SUCO: variants seen among roughly 807,000 people sequenced by gnomAD.
The protein encoded by SUCO is SUN domain containing ossification factor, also known as SUN domain-containing ossification factor.
In SUCO, 57 loss-of-function variants were observed where a neutral mutation model predicts 148.1. The observed-to-expected ratio is 0.38, with a 90% confidence interval of 0.31 to 0.48. The LOEUF (loss-of-function observed/expected upper bound fraction) is 0.48, where lower values mean the gene tolerates loss of function less well. Among genes scored for constraint, SUCO ranks in the 20% least tolerant of loss-of-function variants. SUCO has a pLI of 0.96. For synonymous variants in SUCO, 470 were observed against 502.7 expected (o/e 0.93, Z 0.87); for missense variants, 1,331 against 1,468.2 (o/e 0.91, Z 1.53).
Position 172,553,326 on chromosome 1 carries a change from C to A in SUCO, c.244C>A (p.Pro82Thr). The change falls in exon 3 of 24, where the codon CCA becomes ACA. Residue 82 changes from proline (P) to threonine (T), a missense_variant. Pro to Thr is a conservative substitution (Grantham distance 38). This residue lies in a region of SUCO where 992 missense variants were observed against 1,093.5 expected (regional missense o/e 0.91). Coordinates refer to ENST00000263688, the MANE Select transcript of SUCO (RefSeq NM_014283.5). ...ATCAGGTTCAAATTTACCTATTTCT[C>A]CAAAAGAACATAAATTAAAAGATGA... is the stretch of plus-strand genomic sequence containing the variant. ...GKSGSNLPIS[P>T]KEHKLKDDSI... is the part of the protein sequence containing the mutation. The A allele has an allele frequency of 1.2e-6, 2 of 1,603,814 alleles. No individual in the cohort carries two copies. Among genetic ancestry groups the A allele is most frequent in the Non-Finnish European group, 8.5e-7 (1 of 1,173,246 alleles).
Position 172,533,251 on chromosome 1 carries a change from T to C in SUCO, c.-185T>C. ...TGTGAAGCGCCCCTGTCCGCGCCTC[T>C]GTGGGGCCCTCAGAGAGGGCTGCCA... On this transcript the variant is annotated 5_prime_UTR_variant, in exon 1 of 24. Transcript: ENST00000263688. The C allele has an allele frequency of 6.5e-7, 1 of 1,548,494 alleles. No homozygotes were observed. The highest frequency in any genetic ancestry group is 8.7e-7 in the Non-Finnish European group (1 of 1,146,684).
chr1:172,551,411 C>T, intron 1 of SUCO, 101 bp from the exon 2 acceptor site: 1 of 633,784 alleles, frequency 1.6e-6, no homozygotes, highest in South Asian at 2.4e-5. Flanking sequence ...TGTTTATCGC[C>T]TCAAATTCTA....
chr1:172,532,780 A>C (rs778755372), upstream of SUCO: 9 of 1,611,388 alleles, frequency 5.6e-6, no homozygotes, highest in South Asian at 7.7e-5. Context: ...GCGCGGACTC[A>C]GCGCGCGAGG....
At chr1:172,572,696 T>TAAAAAAAA (rs61248782) in intron 9 of SUCO, among the ~76,000 whole-genome samples, 74 of 49,614 alleles carry the variant, frequency 1.5e-3, no homozygotes, top group East Asian at 6.5e-3. Flanking sequence ...GAATGATCAA[T>TAAAAAAAA]AAAAAAAAAA....
intron 9 of SUCO, among the ~76,000 whole-genome samples, chr1:172,571,302 C>T (rs928253678): frequency 2.6e-4 from 39 of 152,200 alleles, no homozygotes; most frequent in Admixed American, 1.1e-3. Context: ...TGCGAGTGAT[C>T]CGCCAGCCTC....
chr1:172,589,460 A>G lies in SUCO; in HGVS notation c.2359A>G (p.Ile787Val). 1 of 1,611,612 alleles carries G rather than the reference A, an allele frequency of 6.2e-7. No individual in the cohort carries two copies. Among genetic ancestry groups the G allele is most frequent in the Non-Finnish European group, 8.5e-7 (1 of 1,179,236 alleles). Residue 787 changes from isoleucine to valine, a missense_variant, in exon 18 of 24, where the codon ATA (isoleucine) becomes GTA (valine). Physicochemically the swap from Ile to Val is conservative, Grantham distance 29. This residue lies in a region of SUCO where 992 missense variants were observed against 1,093.5 expected (regional missense o/e 0.91). Transcript: ENST00000263688. The stretch of plus-strand genomic sequence containing the variant: ...ACAAAAGTCTGAGAGCTTTAGTTCT[A>G]TAGAGAAACCATCTATTACCTATGA... ...TEQKSESFSS[I>V]EKPSITYETN...
intron 6 of SUCO, among the ~76,000 whole-genome samples, chr1:172,562,607 T>G (rs1393340615): frequency 6.6e-6 from 1 of 152,268 alleles, no homozygotes; most frequent in East Asian, 1.9e-4. Context: ...AGTGCTGGGA[T>G]TAACAGGTGT....
rs139100208 is a variant in SUCO, at chr1:172,577,415, T to A, written c.1264-124T>A. On this transcript the variant is annotated intron_variant, in intron 11 of 23. Coordinates refer to ENST00000263688, the MANE Select transcript of SUCO (RefSeq NM_014283.5). Reference sequence around the variant, plus strand: ...AGGAATTAAGAATACTACAGTGTTATCCATCACATGACATTACTCTCTATA... The same window carrying A: ...AGGAATTAAGAATACTACAGTGTTAACCATCACATGACATTACTCTCTATA... The A allele has an allele frequency of 3.1e-4, 276 of 902,248 alleles. No homozygotes were observed. In the African/African-American group the frequency reaches 4.1e-3, roughly 13 times the overall value. The allele number at this position is 902,248 out of a possible 1,614,324, so 55.9% of individuals were successfully genotyped here. A position where few individuals can be genotyped will look rare whatever the true frequency, so the allele number is the denominator to read the frequency against.
rs369835061 is a variant in SUCO, at chr1:172,543,588, G to A, written c.63-7924G>A. ...ATCAATGAAATTATGGGCCAGTTTAGTGAAACAATTTTCTAATAGAATTTG... is the reference window on the plus strand; with the variant it reads ...ATCAATGAAATTATGGGCCAGTTTAATGAAACAATTTTCTAATAGAATTTG... On this transcript the variant is annotated intron_variant, in intron 1 of 23. Transcript: ENST00000263688. 1.2e-4 allele frequency among the ~76,000 whole-genome samples: 18 copies of A among 152,232 alleles called. No individual in the cohort carries two copies. The East Asian group carries it at 2.5e-3, about 21-fold the overall frequency.
intron 12 of SUCO, 86 bp from the exon 13 acceptor site, chr1:172,577,678 T>C: frequency 6.4e-7 from 1 of 1,574,638 alleles, no homozygotes; most frequent in South Asian, 1.1e-5. Context: ...TGTTTAGAAA[T>C]GTTATAATGA....
chr1:172,608,626 G>T, intron 22 of SUCO, 121 bp from the exon 23 acceptor site: 4 of 755,326 alleles, frequency 5.3e-6, no homozygotes, highest in Admixed American at 4.9e-5. Flanking sequence ...CAAATTCATT[G>T]GTTCTATTAC....
chr1:172,607,992 T>A (rs1316082938), intron 22 of SUCO: 2 of 667,800 alleles, frequency 3.0e-6, no homozygotes, highest in African/African-American at 3.9e-5. Context: ...TTTTAGTGGA[T>A]TGAATAGGAC....
At chr1:172,537,908 C>T (rs982316165) in intron 1 of SUCO, among the ~76,000 whole-genome samples, 13 of 152,118 alleles carry the variant, frequency 8.5e-5, no homozygotes, top group African/African-American at 3.1e-4. Context: ...AGCTCTCATC[C>T]ATAAAATGGT....
At position 172,610,343 on chromosome 1, in the gene SUCO, G is replaced by A; in HGVS notation, c.*84G>A. 1 of 1,448,008 alleles carries A rather than the reference G, an allele frequency of 6.9e-7. No individual in the cohort carries two copies. The highest frequency in any genetic ancestry group is 1.9e-4 in the Middle Eastern group (1 of 5,234). 89.7% of individuals were successfully genotyped at this position (1,448,008 alleles called of 1,614,324 possible). A position where few individuals can be genotyped will look rare whatever the true frequency, so the allele number is the denominator to read the frequency against. ...TGTAGTATTTGAAGGGTTTGGGGGA[G>A]GGAGAAAATATTAATGGGAAAGGCA... On this transcript the variant is annotated 3_prime_UTR_variant, in exon 24 of 24. Coordinates refer to ENST00000263688, the MANE Select transcript of SUCO (RefSeq NM_014283.5).
chr1:172,532,487 G>A, upstream of SUCO: 1 of 1,612,740 alleles, frequency 6.2e-7, no homozygotes, highest in Non-Finnish European at 8.5e-7. Context: ...GAGGATTCTT[G>A]GCACGCCCCT....
chr1:172,590,413 A>G (rs544357334), intron 18 of SUCO: 570 of 964,436 alleles, frequency 5.9e-4, no homozygotes, highest in Non-Finnish European at 6.7e-4. Context: ...TCCTAGTTCT[A>G]GTTGTAATAA....
chr1:172,552,682 A>C, intron 2 of SUCO: 1 of 951,136 alleles, frequency 1.1e-6, no homozygotes, highest in Non-Finnish European at 1.3e-6. Flanking sequence ...ATTTTCACCC[A>C]CACAGTATAT....
At chr1:172,533,042 T>C (rs549001053), upstream of SUCO, 1 of 1,430,914 alleles carries the variant, frequency 7.0e-7, no homozygotes, top group South Asian at 1.5e-5. Flanking sequence ...AGCTCAGCGG[T>C]GTGTGAGGTG....
chr1:172,542,848 GAA>G lies in SUCO; in HGVS notation c.63-8663_63-8662del, dbSNP rs1652582223. 10 of 985,274 alleles carry G rather than the reference GAA, an allele frequency of 1.0e-5. 1 individual carries two copies. In the South Asian group the frequency reaches 4.2e-4, roughly 42 times the overall value. 61.0% of individuals were successfully genotyped at this position (985,274 alleles called of 1,614,324 possible). ...AAGGATGGATGGAAAGAGATTTAAG[GAA>G]GTCATTTAAGTGGTCAACAATATAA... is the stretch of plus-strand genomic sequence containing the variant. On this transcript the variant is annotated intron_variant, in intron 1 of 23. Transcript: ENST00000263688.
Sources: allele counts gnomAD v4.1 joint callset (sites outside exome capture counted in the v4.1 genomes callset), GRCh38; gene constraint gnomAD v4.1.1; regional missense constraint gnomAD v4.1.1; transcripts MANE v1.5; gene names NCBI Gene and HGNC (gene_info 2026-07-23, HGNC 2026-07-21).